ATP6V1C2: variants seen among roughly 807,000 people sequenced by gnomAD.
The protein encoded by ATP6V1C2 is ATPase H+ transporting V1 subunit C2, also known as V-type proton ATPase subunit C 2.
Under a neutral mutation model 56.8 loss-of-function variants are expected in ATP6V1C2, and 45 were observed. That is an observed-to-expected ratio of 0.79 (90% confidence interval 0.62 to 1.02). The LOEUF is 1.02. Among genes scored for constraint, ATP6V1C2 ranks in the 50% least tolerant of loss-of-function variants. The probability of loss-of-function intolerance (pLI) is 0.00; values close to 1 mark genes in which losing one functional copy is unlikely to be tolerated. For missense variants in ATP6V1C2, 463 were observed against 519.7 expected (o/e 0.89, Z 1.06); for synonymous variants, 220 against 201.3 (o/e 1.09, Z -0.79).
At chr2:10,736,091 A>G (rs189511799) in intron 3 of ATP6V1C2, among the ~76,000 whole-genome samples, 2 of 152,288 alleles carry the variant, frequency 1.3e-5, no homozygotes, top group East Asian at 3.9e-4. Flanking sequence ...TGTTAAAAAT[A>G]CATCACTGGT....
chr2:10,732,071 T>C (rs1328159691), intron 3 of ATP6V1C2, among the ~76,000 whole-genome samples: 1 of 152,206 alleles, frequency 6.6e-6, no homozygotes, highest in African/African-American at 2.4e-5. Flanking sequence ...ACCAATTTTC[T>C]GTCCTAGTGC....
chr2:10,765,793 A>G (rs1017517865), intron 5 of ATP6V1C2, among the ~76,000 whole-genome samples: 17 of 152,264 alleles, frequency 1.1e-4, no homozygotes, highest in African/African-American at 3.9e-4. Context: ...CCATGTGCCA[A>G]TTTGGGATTC....
chr2:10,742,066 C>T (rs572693344), intron 3 of ATP6V1C2, among the ~76,000 whole-genome samples: 1 of 152,224 alleles, frequency 6.6e-6, no homozygotes, highest in South Asian at 2.1e-4. Context: ...CGCACCACCA[C>T]ACCCAGCTAA....
At chr2:10,748,585 A>G (rs1468045850) in intron 3 of ATP6V1C2, among the ~76,000 whole-genome samples, 1 of 152,162 alleles carries the variant, frequency 6.6e-6, no homozygotes, top group Non-Finnish European at 1.5e-5. Context: ...TTTTTAATTA[A>G]AAATATGGTT....
chr2:10,740,517 C>CT (rs1231782551), intron 3 of ATP6V1C2, among the ~76,000 whole-genome samples: 1 of 152,086 alleles, frequency 6.6e-6, no homozygotes, highest in Non-Finnish European at 1.5e-5. Context: ...GGTGGATTGA[C>CT]TTTTTGGCAT....
At chr2:10,772,398 C>G in intron 7 of ATP6V1C2, 144 bp from the exon 8 acceptor site, 6 of 747,768 alleles carry the variant, frequency 8.0e-6, no homozygotes, top group Non-Finnish European at 1.4e-5. Flanking sequence ...AACAGCAGAC[C>G]TCAGGGGAGG....
chr2:10,735,748 T>G (rs1662214458), intron 3 of ATP6V1C2, among the ~76,000 whole-genome samples: 1 of 151,892 alleles, frequency 6.6e-6, no homozygotes, highest in Non-Finnish European at 1.5e-5. Context: ...GGCTAATTTT[T>G]TTTTTTTCAT....
In ATP6V1C2 at chr2:10,767,159, C is replaced by CTTTTTT. The variant is rs33943682; in HGVS notation, c.379-1546_379-1541dup. Reference sequence around the variant, plus strand: ...TATTTTTTTAATTATCATTTTTTATCTTTTTTTTTTTTTTTTTTTGAGGCA... The same window carrying CTTTTTT: ...TATTTTTTTAATTATCATTTTTTATCTTTTTTTTTTTTTTTTTTTTTTTTTGAGGCA... On this transcript the variant is annotated intron_variant, in intron 5 of 13. Coordinates refer to ENST00000272238, the MANE Select transcript of ATP6V1C2 (RefSeq NM_001039362.2). Among the ~76,000 whole-genome samples the CTTTTTT allele has an allele frequency of 7.2e-4, 79 of 109,300 alleles. 1 individual carries two copies. The highest frequency in any genetic ancestry group is 8.8e-4 in the Non-Finnish European group (51 of 58,228). 71.7% of individuals were successfully genotyped at this position (109,300 alleles called of 152,430 possible).
rs143096234 is a variant in ATP6V1C2 at position 10,765,638 on chromosome 2, G to A, written c.378+1213G>A. Among the ~76,000 whole-genome samples the A allele has an allele frequency of 2.7e-3, 416 of 152,356 alleles. 4 individuals carry two copies. Among genetic ancestry groups the A allele is most frequent in the African/African-American group, 9.6e-3 (400 of 41,584 alleles). On this transcript the variant is annotated intron_variant, in intron 5 of 13. Coordinates refer to ENST00000272238, the MANE Select transcript of ATP6V1C2 (RefSeq NM_001039362.2). The stretch of plus-strand genomic sequence containing the variant: ...GAGAGGCTCAGGCCCCTGCTGGGAC[G>A]ATCAGGCAGTGATTCTGGAAGGCCC...
At chr2:10,742,172 AGTGCT>A (rs1662589100) in intron 3 of ATP6V1C2, among the ~76,000 whole-genome samples, 1 of 152,120 alleles carries the variant, frequency 6.6e-6, no homozygotes, top group Non-Finnish European at 1.5e-5. Context: ...GGCCTCCCAA[AGTGCT>A]GGGATTATAG....
rs754848566 is a variant in ATP6V1C2 at position 10,764,344 on chromosome 2, C to A, written c.297C>A (p.Ser99=). The part of the protein sequence containing the change: ...HLLANGVDLT[S]FVTHFEWDMA... ...GTATTCTTCCAGTTGACTTAACATC[C>A]TTTGTGACCCACTTTGAATGGGACA... The change falls in exon 5 of 14, where the codon TCC becomes TCA. Residue 99 remains serine (S), a synonymous_variant. Transcript: ENST00000272238. 6.2e-7 allele frequency: 1 copy of A among 1,613,662 alleles called. No individual in the cohort carries two copies. The highest frequency in any genetic ancestry group is 8.5e-7 in the Non-Finnish European group (1 of 1,179,536).
At chr2:10,749,125 C>T (rs957578901) in intron 3 of ATP6V1C2, among the ~76,000 whole-genome samples, 1 of 93,162 alleles carries the variant, frequency 1.1e-5, no homozygotes, top group African/African-American at 4.4e-5. Flanking sequence ...AGCAAAACTC[C>T]GTCTCAAAAA....
chr2:10,721,865 G>C (rs1661380513), intron 1 of ATP6V1C2, 134 bp downstream of exon 1: 1 of 152,418 alleles, frequency 6.6e-6, no homozygotes, highest in Non-Finnish European at 1.5e-5. Flanking sequence ...GCTTCCCCGC[G>C]GCCGGGCTGG....
At chr2:10,769,417 C>T (rs1218401571) in intron 6 of ATP6V1C2, among the ~76,000 whole-genome samples, 1 of 152,038 alleles carries the variant, frequency 6.6e-6, no homozygotes, top group Admixed American at 6.6e-5. Context: ...GTAAGAGAAG[C>T]CAGGTGGCCA....
In ATP6V1C2 at chr2:10,732,432, A is replaced by AT. The variant is rs572574092; in HGVS notation, c.197+5870dup. The stretch of plus-strand genomic sequence containing the variant: ...ACCACCAAGCCCAGCTAATTTTTGT[A>AT]TTTTTTTAGTAGAGACGGGGTTTCC... On this transcript the variant is annotated intron_variant, in intron 3 of 13. Coordinates refer to ENST00000272238, the MANE Select transcript of ATP6V1C2 (RefSeq NM_001039362.2). Among the ~76,000 whole-genome samples the AT allele has an allele frequency of 4.2e-3, 634 of 151,748 alleles. 6 individuals carry two copies. The highest frequency in any genetic ancestry group is 0.014 in the African/African-American group (580 of 41,426).
intron 3 of ATP6V1C2, among the ~76,000 whole-genome samples, chr2:10,727,974 T>G (rs1661741403): frequency 6.6e-6 from 1 of 152,222 alleles, no homozygotes; most frequent in African/African-American, 2.4e-5. Context: ...TTGCCCCTCT[T>G]TTAAGGCAAT....
rs749336474 is a variant in ATP6V1C2, at chr2:10,777,707, T to C, written c.948T>C (p.Ser316=). The C allele has an allele frequency of 6.2e-7, 1 of 1,609,622 alleles. No individual in the cohort carries two copies. Among genetic ancestry groups the C allele is most frequent in the East Asian group, 2.2e-5 (1 of 44,754 alleles). ...AAGQTDRERE[S]EGEGEGPLLR... is the part of the protein sequence containing the mutation. Reference sequence around the variant, plus strand: ...GGCAGACCGACAGAGAGAGAGAGAGTGAGGGCGAGGGTGAGGTAAGCAACG... The same window carrying C: ...GGCAGACCGACAGAGAGAGAGAGAGCGAGGGCGAGGGTGAGGTAAGCAACG... Residue 316 remains serine, a synonymous_variant, in exon 11 of 14, where the codon AGT becomes AGC. Coordinates refer to ENST00000272238, the MANE Select transcript of ATP6V1C2 (RefSeq NM_001039362.2).
rs1411994927 is a variant in ATP6V1C2 at position 10,753,970 on chromosome 2, T to C, written c.198-11T>C. ...CTACTCTAACCGGCTCTTTTTCTTCTCTCTCCAAAGCCTCATAAGGAGAAT... is the reference window on the plus strand; with the variant it reads ...CTACTCTAACCGGCTCTTTTTCTTCCCTCTCCAAAGCCTCATAAGGAGAAT... On this transcript the variant is annotated splice_polypyrimidine_tract_variant and intron_variant, in intron 3 of 13. Coordinates refer to ENST00000272238, the MANE Select transcript of ATP6V1C2 (RefSeq NM_001039362.2). 3.8e-6 allele frequency: 6 copies of C among 1,596,026 alleles called. No individual in the cohort carries two copies. Among genetic ancestry groups the C allele is most frequent in the Non-Finnish European group, 5.1e-6 (6 of 1,169,308 alleles).
At position 10,782,201 on chromosome 2, in the gene ATP6V1C2, C is replaced by T. The variant is rs780223216; in HGVS notation, c.1062-42C>T. On this transcript the variant is annotated intron_variant, in intron 12 of 13. Coordinates refer to ENST00000272238, the MANE Select transcript of ATP6V1C2 (RefSeq NM_001039362.2). Reference sequence around the variant, plus strand: ...GTCAGGTTCCTTCTATCCGTGTTTGCATTTGGAGCAGTGAACTGACACATT... The same window carrying T: ...GTCAGGTTCCTTCTATCCGTGTTTGTATTTGGAGCAGTGAACTGACACATT... The T allele has an allele frequency of 4.9e-5, 79 of 1,609,414 alleles. No homozygotes were observed. The Middle Eastern group carries it at 1.8e-3, about 37-fold the overall frequency.
Sources: gnomAD v4.1 joint callset for allele counts (sites outside exome capture counted in the v4.1 genomes callset) on GRCh38, gnomAD v4.1.1 for gene constraint, MANE v1.5 for transcripts, NCBI Gene and HGNC (gene_info 2026-07-23, HGNC 2026-07-21) for gene names.